Variants in SAMD4A observed in about 807,000 individuals in gnomAD.
SAMD4A encodes protein Smaug homolog 1.
SAMD4A carries 33 observed loss-of-function variants against 81.3 expected under a neutral mutation model. The observed-to-expected ratio is 0.41, with a 90% CI of 0.31 to 0.54. The LOEUF (loss-of-function observed/expected upper bound fraction) is 0.54. Among genes scored for constraint, SAMD4A ranks in the 20% least tolerant of loss-of-function variants. The pLI is 0.37. For synonymous variants in SAMD4A, 389 were observed against 382.1 expected, an observed-to-expected ratio of 1.02 and a Z score of -0.21; for missense variants, 854 against 951.1, an observed-to-expected ratio of 0.90 and a Z score of 1.34.
intron 2 of SAMD4A, among the ~76,000 whole-genome samples, chr14:54,580,453 C>T (rs1460383095): frequency 2.0e-5 from 3 of 152,182 alleles, no homozygotes; most frequent in Non-Finnish European, 4.4e-5. Context: ...ATGTTATAAT[C>T]ACTGTTCCAG....
chr14:54,740,309 G>A (rs2037814002), intron 4 of SAMD4A, among the ~76,000 whole-genome samples: 2 of 152,240 alleles, frequency 1.3e-5, no homozygotes, highest in African/African-American at 2.4e-5. Flanking sequence ...AGGAGTGTCA[G>A]CTGTTTTAAA....
At chr14:54,702,657 T>C in intron 3 of SAMD4A, 77 bp downstream of exon 3, 3 of 1,509,906 alleles carry the variant, frequency 2.0e-6, no homozygotes, top group Non-Finnish European at 2.7e-6. Flanking sequence ...GCTGACAGTG[T>C]CTGCTCCATG....
intron 3 of SAMD4A, 48 bp from the exon 4 acceptor site, chr14:54,736,976 A>G: frequency 6.2e-7 from 1 of 1,601,214 alleles, no homozygotes. Flanking sequence ...TCGGTGTCCC[A>G]GGATAAAGGG....
chr14:54,775,215 G>A, intron 10 of SAMD4A, 80 bp downstream of exon 10: 2 of 1,544,588 alleles, frequency 1.3e-6, no homozygotes, highest in Non-Finnish European at 1.8e-6. Context: ...GTGACCCCAG[G>A]GTGGGGAGAG....
chr14:54,584,674 G>A (rs752415426), intron 2 of SAMD4A, among the ~76,000 whole-genome samples: 6 of 152,022 alleles, frequency 3.9e-5, no homozygotes, highest in African/African-American at 9.7e-5. Flanking sequence ...GCCCTTTACC[G>A]CATTGCTTGG....
intron 11 of SAMD4A, among the ~76,000 whole-genome samples, chr14:54,779,336 A>T (rs1257214171): frequency 6.6e-6 from 1 of 152,248 alleles, no homozygotes; most frequent in Non-Finnish European, 1.5e-5. Context: ...TAACTAACCC[A>T]AAAGTAGATA....
At chr14:54,679,889 A>G (rs1405553080) in intron 2 of SAMD4A, among the ~76,000 whole-genome samples, 1 of 152,262 alleles carries the variant, frequency 6.6e-6, no homozygotes, top group East Asian at 1.9e-4. Flanking sequence ...TCTGTTTGAA[A>G]GTCTTCAAGA....
At chr14:54,773,374 CCT>C (rs1491435276) in intron 9 of SAMD4A, among the ~76,000 whole-genome samples, 4 of 152,198 alleles carry the variant, frequency 2.6e-5, no homozygotes, top group Non-Finnish European at 4.4e-5. Flanking sequence ...ACAAACCTCC[CCT>C]GTGTCGCTGG....
At chr14:54,750,785 A>T (rs1566618735) in intron 5 of SAMD4A, among the ~76,000 whole-genome samples, 1 of 152,240 alleles carries the variant, frequency 6.6e-6, no homozygotes, top group Non-Finnish European at 1.5e-5. Flanking sequence ...GGCTGAAATT[A>T]TAAAGCCTGG....
At chr14:54,764,355 A>G in intron 7 of SAMD4A, 100 bp from the exon 8 acceptor site, 2 of 791,464 alleles carry the variant, frequency 2.5e-6, no homozygotes, top group South Asian at 1.7e-5. Flanking sequence ...ACAGACACAC[A>G]TACCTCTCAG....
At chr14:54,684,721 A>T (rs1484312998) in intron 2 of SAMD4A, among the ~76,000 whole-genome samples, 1 of 150,396 alleles carries the variant, frequency 6.6e-6, no homozygotes, top group East Asian at 2.0e-4. Flanking sequence ...AGCTGCCCAC[A>T]GCTGTCTGGG....
chr14:54,758,298 T>C (rs2038299209), intron 6 of SAMD4A, among the ~76,000 whole-genome samples: 1 of 152,132 alleles, frequency 6.6e-6, no homozygotes, highest in African/African-American at 2.4e-5. Context: ...TGACAGGGTG[T>C]GGCTGTTGGT....
At position 54,702,168 on chromosome 14, in the gene SAMD4A, T is replaced by C. The variant is rs1461229732; in HGVS notation, c.303T>C (p.Tyr101=). 1 of 1,614,170 alleles carries C rather than the reference T, an allele frequency of 6.2e-7. No homozygotes were observed. Among genetic ancestry groups the C allele is most frequent in the East Asian group, 2.2e-5 (1 of 44,868 alleles). Residue 101 remains tyrosine, a synonymous_variant, in exon 3 of 13, where the codon TAT becomes TAC. Coordinates refer to ENST00000554335, the MANE Select transcript of SAMD4A (RefSeq NM_015589.6). ...GAAACCTCGACGCGAAAGTAGAATATATGAAACTGCTGCCCAAAATCCTGG... is the reference window on the plus strand; with the variant it reads ...GAAACCTCGACGCGAAAGTAGAATACATGAAACTGCTGCCCAAAATCCTGG... ...KPGNLDAKVE[Y]MKLLPKILAH...
chr14:54,749,123 G>C (rs1410039228), intron 5 of SAMD4A, among the ~76,000 whole-genome samples, 199 bp downstream of exon 5: 16 of 152,190 alleles, frequency 1.1e-4, no homozygotes, highest in Admixed American at 1.0e-3. Flanking sequence ...ATAGGAGATG[G>C]AAGACAAGCA....
intron 9 of SAMD4A, 30 bp downstream of exon 9, chr14:54,770,252 G>A (rs78925229): frequency 0.036 from 53,116 of 1,467,000 alleles, 1,123 homozygotes; most frequent in South Asian, 0.052. Context: ...TTTGTAATGC[G>A]TAGTGGTTCC....
intron 2 of SAMD4A, among the ~76,000 whole-genome samples, chr14:54,640,861 A>G (rs140641626): frequency 6.6e-5 from 10 of 152,272 alleles, no homozygotes; most frequent in Non-Finnish European, 1.5e-4. Context: ...CCTGCTTCCT[A>G]CTGGCCTTCC....
At chr14:54,719,505 A>ACCCCTTAT (rs1464635958) in intron 3 of SAMD4A, among the ~76,000 whole-genome samples, 1 of 151,990 alleles carries the variant, frequency 6.6e-6, no homozygotes, top group Admixed American at 6.6e-5. Context: ...AGGACAAATG[A>ACCCCTTAT]CCCCTTATTT....
chr14:54,599,221 G>C (rs1001735919), intron 2 of SAMD4A, among the ~76,000 whole-genome samples: 1 of 152,136 alleles, frequency 6.6e-6, no homozygotes, highest in Non-Finnish European at 1.5e-5. Flanking sequence ...ACCTGTTTTT[G>C]AGACCTTTAA....
At chr14:54,648,790 G>A (rs928174949) in intron 2 of SAMD4A, among the ~76,000 whole-genome samples, 4 of 152,096 alleles carry the variant, frequency 2.6e-5, no homozygotes, top group Non-Finnish European at 4.4e-5. Context: ...GAGAATGAAG[G>A]CGCTTCATTG....
Sources: allele counts gnomAD v4.1 joint callset (sites outside exome capture counted in the v4.1 genomes callset), GRCh38; gene constraint gnomAD v4.1.1; transcripts MANE v1.5; gene names NCBI Gene and HGNC (gene_info 2026-07-23, HGNC 2026-07-21).